The following CHUK variants were observed in gnomAD, a reference collection of about 807,000 sequenced individuals.
CHUK encodes the protein component of inhibitor of nuclear factor kappa B kinase complex.
In CHUK, 35 loss-of-function variants were observed where a neutral mutation model predicts 104.8. The ratio of observed to expected loss-of-function variants is 0.33; its 90% CI spans 0.26 to 0.44. CHUK has a LOEUF of 0.44. CHUK is among the 20% of genes least tolerant of loss of function. The pLI is 1.00. For synonymous variants in CHUK, 276 were observed against 291.9 expected (o/e 0.95, Z 0.56); for missense variants, 663 against 902.7 (o/e 0.73, Z 3.40).
intron 6 of CHUK, 47 bp from the exon 7 acceptor site, chr10:100,219,179 CTACTT>C (rs775796806): frequency 6.2e-7 from 1 of 1,604,920 alleles, no homozygotes; most frequent in Admixed American, 1.7e-5. Flanking sequence ...ATGGGAAAAG[CTACTT>C]TATTTTTGAC....
chr10:100,207,045 A>G (rs1845604897), intron 11 of CHUK, among the ~76,000 whole-genome samples, 185 bp downstream of exon 11: 1 of 152,208 alleles, frequency 6.6e-6, no homozygotes, highest in African/African-American at 2.4e-5. Context: ...GAGATTTAAT[A>G]TCTACCTTTT....
rs1402660531 is a variant in CHUK at position 100,205,056 on chromosome 10, A to G, written c.1355+20T>C. The G allele has an allele frequency of 1.2e-6, 2 of 1,613,890 alleles. No individual in the cohort carries two copies. The highest frequency in any genetic ancestry group is 2.7e-5 in the African/African-American group (2 of 74,930). Reference sequence around the variant, plus strand: ...ATGATGCACATTGCATTGTGCTTATAAACAACAGAATCCACTTACATTGCT... The same window carrying G: ...ATGATGCACATTGCATTGTGCTTATGAACAACAGAATCCACTTACATTGCT... On this transcript the variant is annotated intron_variant, in intron 12 of 20. Coordinates refer to ENST00000370397, the MANE Select transcript of CHUK (RefSeq NM_001278.5).
At chr10:100,212,007 G>A (rs557866548) in intron 9 of CHUK, among the ~76,000 whole-genome samples, 3 of 151,878 alleles carry the variant, frequency 2.0e-5, no homozygotes, top group African/African-American at 4.8e-5. Context: ...CTCAGCCTAC[G>A]GAGTAGCTGG....
At chr10:100,196,142 T>C (rs17881170) in intron 16 of CHUK, among the ~76,000 whole-genome samples, 11,147 of 152,238 alleles carry the variant, frequency 0.073, 539 homozygotes, top group African/African-American at 0.13. Flanking sequence ...GGACTTGCTC[T>C]ATTTGAAATC....
intron 19 of CHUK, among the ~76,000 whole-genome samples, chr10:100,192,194 C>A (rs540869786): frequency 6.6e-6 from 1 of 152,324 alleles, no homozygotes; most frequent in East Asian, 1.9e-4. Context: ...AGCAACTACA[C>A]TTCAAATTGG....
At position 100,200,756 on chromosome 10, in the gene CHUK, C is replaced by T; in HGVS notation, c.1594G>A (p.Asp532Asn). 6.2e-7 allele frequency: 1 copy of T among 1,603,180 alleles called. No individual in the cohort carries two copies. The highest frequency in any genetic ancestry group is 1.7e-5 in the Admixed American group (1 of 59,960). ...AEVGVIGYLE[D>N]QIMSLHAEIM... ...TCAGCATGCAAAGACATAATCTGAT[C>T]CTCCAGGTATCCAATGACACCAACC... Residue 532 changes from aspartate (D) to asparagine (N), a missense_variant, in exon 15 of 21, where the codon GAT becomes AAT. Around this residue, in one of 5 missense-constraint regions of CHUK, gnomAD observed 311 missense variants for 393.4 expected, o/e 0.79. Coordinates refer to ENST00000370397, the MANE Select transcript of CHUK (RefSeq NM_001278.5).
At chr10:100,191,043 T>A in intron 19 of CHUK, 75 bp from the exon 20 acceptor site, 1 of 910,720 alleles carries the variant, frequency 1.1e-6, no homozygotes, top group Non-Finnish European at 1.8e-6. Context: ...TCTAGTCTTC[T>A]AGGTTAGCAA....
chr10:100,216,997 T>C (rs1278950677), intron 9 of CHUK, among the ~76,000 whole-genome samples: 2 of 152,060 alleles, frequency 1.3e-5, no homozygotes, highest in Non-Finnish European at 2.9e-5. Context: ...AATGACAAAT[T>C]TTGTGGCAGA....
In CHUK at chr10:100,200,658, A is replaced by T. The variant is rs1259012617; in HGVS notation, c.1679+13T>A. 1 of 1,197,188 alleles carries T rather than the reference A, an allele frequency of 8.4e-7. No individual in the cohort carries two copies. The highest frequency in any genetic ancestry group is 2.3e-5 in the East Asian group (1 of 42,972). The allele number at this position is 1,197,188 out of a possible 1,614,324, so 74.2% of individuals were successfully genotyped here. On this transcript the variant is annotated intron_variant, in intron 15 of 20. Transcript: ENST00000370397. ...TACAGATGTCAAGACCAACAACACA[A>T]GTGCATCCTTACAGAGATTCCATCA...
intron 15 of CHUK, 88 bp from the exon 16 acceptor site, chr10:100,200,108 A>G (rs1054219437): frequency 4.0e-6 from 4 of 1,011,596 alleles, no homozygotes; most frequent in South Asian, 1.3e-5. Flanking sequence ...TATTTGAATA[A>G]TGAACCCATT....
chr10:100,208,860 C>T (rs1845654563), intron 10 of CHUK, among the ~76,000 whole-genome samples: 1 of 151,446 alleles, frequency 6.6e-6, no homozygotes, highest in South Asian at 2.1e-4. Context: ...AGAGTTCTGC[C>T]CAGGCCTTTC....
rs149156326 is a variant in CHUK at position 100,226,664 on chromosome 10, A to G, written c.106-647T>C. ...AGCCAGACCCCATCATATTCTGGCA[A>G]CATTAATAATGCAGCTCAGAAATAG... On this transcript the variant is annotated intron_variant, in intron 1 of 20. Transcript: ENST00000370397. Among the ~76,000 whole-genome samples the G allele has an allele frequency of 1.9e-3, 292 of 152,358 alleles. 1 individual carries two copies. The highest frequency in any genetic ancestry group is 6.8e-3 in the African/African-American group (281 of 41,590).
intron 4 of CHUK, among the ~76,000 whole-genome samples, chr10:100,221,513 A>G (rs1314773616): frequency 6.6e-6 from 1 of 152,164 alleles, no homozygotes; most frequent in Non-Finnish European, 1.5e-5. Flanking sequence ...CAAAATTACT[A>G]TGTCAATGGT....
Position 100,194,057 on chromosome 10 carries a change from T to G in CHUK, c.1901A>C (p.Glu634Ala). ...KVEVALSNIK[E>A]ADNTVMFMQG... ...CATGAACATGACAGTATTGTCAGCT[T>G]CTTTGATATTACTGAGGGCCACTTC... Residue 634 changes from glutamate (E) to alanine (A), a missense_variant, in exon 18 of 21, where the codon GAA becomes GCA. Glu to Ala is a moderately radical substitution (Grantham distance 107). Transcript: ENST00000370397. 2 of 1,613,344 alleles carry G rather than the reference T, an allele frequency of 1.2e-6. No homozygotes were observed. Among genetic ancestry groups the G allele is most frequent in the Non-Finnish European group, 1.7e-6 (2 of 1,179,340 alleles).
Position 100,229,508 on chromosome 10 carries a change from G to A in CHUK, c.25C>T (p.Pro9Ser). ...ATCTCCCAGGGCCCGCCCGCGCCCG[G>A]CCGCAGCCCCGGGGGCCGCTCCATG... MERPPGLR[P>S]GAGGPWEMRE... Residue 9 changes from proline to serine, a missense_variant, in exon 1 of 21, where the codon CCG (proline) becomes TCG (serine). Pro to Ser is a moderately conservative substitution (Grantham distance 74). Transcript: ENST00000370397. 1 of 1,565,378 alleles carries A rather than the reference G, an allele frequency of 6.4e-7. No homozygotes were observed. The highest frequency in any genetic ancestry group is 1.4e-5 in the African/African-American group (1 of 74,036).
intron 10 of CHUK, among the ~76,000 whole-genome samples, chr10:100,207,737 A>AT (rs17881000): frequency 2.0e-3 from 306 of 152,346 alleles, no homozygotes; most frequent in African/African-American, 7.2e-3. Context: ...ACTTGTGGAG[A>AT]TAAAAAATAG....
At chr10:100,191,886 A>G (rs1845213716) in intron 19 of CHUK, among the ~76,000 whole-genome samples, 1 of 152,182 alleles carries the variant, frequency 6.6e-6, no homozygotes. Context: ...TTGGAGGCCG[A>G]GGCAGGTGGA....
chr10:100,227,832 G>A (rs545946713), intron 1 of CHUK, among the ~76,000 whole-genome samples: 1 of 152,176 alleles, frequency 6.6e-6, no homozygotes, highest in South Asian at 2.1e-4. Context: ...CTACACCCAT[G>A]TTCCTTTAGA....
At position 100,209,982 on chromosome 10, in the gene CHUK, A is replaced by G. The variant is rs1845686560; in HGVS notation, c.934-193T>C. ...TGAAAACTGAACAATTTCCTTTTCTACAATAGATGTTAGTTCCAACAATAA... is the reference window on the plus strand; with the variant it reads ...TGAAAACTGAACAATTTCCTTTTCTGCAATAGATGTTAGTTCCAACAATAA... On this transcript the variant is annotated intron_variant, in intron 9 of 20. Transcript: ENST00000370397. Among the ~76,000 whole-genome samples the G allele has an allele frequency of 2.0e-5, 3 of 152,290 alleles. No individual in the cohort carries two copies. In the South Asian group the frequency reaches 6.2e-4, roughly 32 times the overall value.
Sources: allele counts gnomAD v4.1 joint callset (sites outside exome capture counted in the v4.1 genomes callset), GRCh38; gene constraint gnomAD v4.1.1; regional missense constraint gnomAD v4.1.1; transcripts MANE v1.5; gene names NCBI Gene and HGNC (gene_info 2026-07-23, HGNC 2026-07-21).